The following SOX6 variants were observed in gnomAD, a reference collection of about 807,000 sequenced individuals.
The protein encoded by SOX6 is SRY-box transcription factor 6.
A neutral mutation model predicts 97.8 loss-of-function variants in SOX6; 11 were observed. The observed-to-expected ratio is 0.11, with a 90% CI of 0.07 to 0.19. SOX6 has a LOEUF of 0.19. SOX6 is among the 10% of genes least tolerant of loss of function. The probability of loss-of-function intolerance (pLI) is 1.00; values close to 1 mark genes in which losing one functional copy is unlikely to be tolerated. For missense variants in SOX6, 810 were observed against 1,039.5 expected, an observed-to-expected ratio of 0.78 and a Z score of 3.04; for synonymous variants, 360 against 371.4, an observed-to-expected ratio of 0.97 and a Z score of 0.35.
intron 3 of SOX6, among the ~76,000 whole-genome samples, chr11:16,657,769 TTTC>T (rs1333661814): frequency 8.5e-5 from 13 of 152,232 alleles, no homozygotes; most frequent in South Asian, 2.1e-4. Context: ...TTCTTTGCCA[TTTC>T]TTCTTTAGTG....
At chr11:16,129,392 A>T (rs1034107218) in intron 6 of SOX6, among the ~76,000 whole-genome samples, 1 of 152,124 alleles carries the variant, frequency 6.6e-6, no homozygotes, top group African/African-American at 2.4e-5. Context: ...GCTGTGACAT[A>T]CATTAAAATC....
At chr11:16,528,960 A>T (rs1461451620) in intron 4 of SOX6, among the ~76,000 whole-genome samples, 9 of 151,970 alleles carry the variant, frequency 5.9e-5, no homozygotes, top group Admixed American at 5.3e-4. Context: ...CTCCTACCTT[A>T]TGGGCATTGA....
intron 4 of SOX6, among the ~76,000 whole-genome samples, chr11:16,495,507 C>T (rs569058251): frequency 6.6e-6 from 1 of 152,284 alleles, no homozygotes; most frequent in Admixed American, 6.5e-5. Flanking sequence ...CTCCTGGGAA[C>T]CTGAGGACAA....
At chr11:16,261,210 C>A (rs1853883144) in intron 3 of SOX6, among the ~76,000 whole-genome samples, 1 of 152,080 alleles carries the variant, frequency 6.6e-6, no homozygotes. Context: ...TTGCTCACTA[C>A]TATATCGTTA....
At chr11:16,512,872 C>A (rs1860901989) in intron 4 of SOX6, among the ~76,000 whole-genome samples, 1 of 152,154 alleles carries the variant, frequency 6.6e-6, no homozygotes, top group South Asian at 2.1e-4. Context: ...ACTTTTATAA[C>A]CACTGCCTGA....
intron 2 of SOX6, among the ~76,000 whole-genome samples, chr11:16,332,683 T>C (rs1368188559): frequency 6.6e-6 from 1 of 152,160 alleles, no homozygotes; most frequent in African/African-American, 2.4e-5. Context: ...AATTTATACT[T>C]TGGAATTTAG....
At chr11:16,112,904 G>A (rs554916161) in intron 6 of SOX6, among the ~76,000 whole-genome samples, 1 of 152,160 alleles carries the variant, frequency 6.6e-6, no homozygotes, top group South Asian at 2.1e-4. Flanking sequence ...TGAAAACTAA[G>A]ATATACCAAA....
intron 3 of SOX6, among the ~76,000 whole-genome samples, chr11:16,671,576 A>C (rs1259751560): frequency 6.6e-6 from 1 of 152,230 alleles, no homozygotes; most frequent in Non-Finnish European, 1.5e-5. Context: ...TCTCTGAAAT[A>C]GGACAGGCAG....
chr11:16,235,915 C>T (rs1440890228), intron 3 of SOX6, among the ~76,000 whole-genome samples: 1 of 152,024 alleles, frequency 6.6e-6, no homozygotes, highest in Non-Finnish European at 1.5e-5. Context: ...TTGTCTGTGA[C>T]ACTATCAATC....
chr11:16,241,085 T>G (rs987562202), intron 3 of SOX6, among the ~76,000 whole-genome samples: 4 of 152,124 alleles, frequency 2.6e-5, no homozygotes, highest in African/African-American at 9.6e-5. Context: ...AGTTCTCCTA[T>G]GCACACTCAC....
chr11:16,509,110 T>C (rs971413879), intron 4 of SOX6, among the ~76,000 whole-genome samples: 1 of 152,008 alleles, frequency 6.6e-6, no homozygotes, highest in South Asian at 2.1e-4. Context: ...AGGAGACCTG[T>C]TTTTTACTCT....
At chr11:16,538,124 T>A (rs1861338259) in intron 4 of SOX6, among the ~76,000 whole-genome samples, 1 of 151,814 alleles carries the variant, frequency 6.6e-6, no homozygotes, top group East Asian at 1.9e-4. Context: ...TAACAGCAGA[T>A]CTCTCTGCAG....
chr11:15,999,348 T>G (rs7947265), intron 13 of SOX6, among the ~76,000 whole-genome samples: 63,228 of 151,902 alleles, frequency 0.42, 13,580 homozygotes, highest in East Asian at 0.62. Context: ...GCATATTTAC[T>G]TATGACCCAG....
chr11:15,981,139 T>C (rs1853642501), intron 15 of SOX6, among the ~76,000 whole-genome samples: 1 of 152,084 alleles, frequency 6.6e-6, no homozygotes, highest in Non-Finnish European at 1.5e-5. Flanking sequence ...ATTTTTTCCT[T>C]CCTTTATAGA....
chr11:16,716,080 C>A (rs1039149850), intron 2 of SOX6, among the ~76,000 whole-genome samples: 3 of 152,042 alleles, frequency 2.0e-5, no homozygotes, highest in Admixed American at 1.3e-4. Context: ...ACTAAAAATA[C>A]AAAAATTTAT....
chr11:16,301,719 A>G (rs542657385), intron 3 of SOX6, among the ~76,000 whole-genome samples: 1 of 152,266 alleles, frequency 6.6e-6, no homozygotes, highest in Non-Finnish European at 1.5e-5. Context: ...ATATGGACCA[A>G]GTTTGATGCA....
At chr11:16,447,807 T>A (rs1375040420) in intron 1 of SOX6, among the ~76,000 whole-genome samples, 2 of 152,182 alleles carry the variant, frequency 1.3e-5, no homozygotes, top group Non-Finnish European at 2.9e-5. Flanking sequence ...TTGGAGTCAA[T>A]CAGCATGACT....
intron 15 of SOX6, among the ~76,000 whole-genome samples, chr11:15,975,685 A>C (rs1657932938): frequency 6.6e-6 from 1 of 152,144 alleles, no homozygotes; most frequent in African/African-American, 2.4e-5. Flanking sequence ...TCTTTTACAC[A>C]TGAAGTGACC....
At chr11:16,125,694 C>G (rs1849591185) in intron 6 of SOX6, among the ~76,000 whole-genome samples, 1 of 151,916 alleles carries the variant, frequency 6.6e-6, no homozygotes, top group East Asian at 1.9e-4. Flanking sequence ...AAAAAGAATA[C>G]AAACTCAAGC....
Sources: allele counts gnomAD v4.1 joint callset (sites outside exome capture counted in the v4.1 genomes callset), GRCh38; gene constraint gnomAD v4.1.1; transcripts MANE v1.5; gene names NCBI Gene and HGNC (gene_info 2026-07-23, HGNC 2026-07-21).